Variants in ABTB3 observed in about 807,000 individuals in gnomAD.
ABTB3 encodes the protein ankyrin repeat- and BTB/POZ domain-containing protein 3.
At chr12:107,381,983 C>A in the ABTB3 span, among the ~76,000 whole-genome samples, 2 of 152,056 alleles carry the variant, frequency 1.3e-5, no homozygotes, top group African/African-American at 4.8e-5. Context: ...TTTATTGAGC[C>A]CCCTATGGTC....
At chr12:107,643,434 AAAGAT>A in the ABTB3 span, among the ~76,000 whole-genome samples, 4 of 148,442 alleles carry the variant, frequency 2.7e-5, no homozygotes, top group South Asian at 4.2e-4. Flanking sequence ...AAAGGTTTCC[AAAGAT>A]AAGATAAGCC....
the ABTB3 span, among the ~76,000 whole-genome samples, chr12:107,364,534 G>T: frequency 6.6e-6 from 1 of 151,966 alleles, no homozygotes; most frequent in Non-Finnish European, 1.5e-5. Context: ...CAGGTGATCC[G>T]CCCGCTTCAG....
chr12:107,553,333 G>A, the ABTB3 span, among the ~76,000 whole-genome samples: 1 of 152,180 alleles, frequency 6.6e-6, no homozygotes, highest in African/African-American at 2.4e-5. Flanking sequence ...CTTGAGGCAG[G>A]AGCAGATAGC....
chr12:107,576,451 C>T, the ABTB3 span, among the ~76,000 whole-genome samples: 1 of 152,174 alleles, frequency 6.6e-6, no homozygotes, highest in African/African-American at 2.4e-5. Flanking sequence ...CCCTCTTGCC[C>T]CACTGTGCAC....
chr12:107,498,573 C>T, the ABTB3 span, among the ~76,000 whole-genome samples: 1 of 152,292 alleles, frequency 6.6e-6, no homozygotes, highest in South Asian at 2.1e-4. Flanking sequence ...CTAGAGGCCA[C>T]CCACATTCCT....
At chr12:107,387,356 C>T in the ABTB3 span, among the ~76,000 whole-genome samples, 1 of 152,196 alleles carries the variant, frequency 6.6e-6, no homozygotes, top group Admixed American at 6.5e-5. Flanking sequence ...GTCTCTTTTG[C>T]CCCTCTTGGT....
the ABTB3 span, among the ~76,000 whole-genome samples, chr12:107,402,498 G>A: frequency 1.3e-5 from 2 of 152,158 alleles, no homozygotes; most frequent in Admixed American, 1.3e-4. Flanking sequence ...CTTGGGATAT[G>A]GTACCCCATC....
chr12:107,615,329 T>A, the ABTB3 span, among the ~76,000 whole-genome samples: 1 of 152,234 alleles, frequency 6.6e-6, no homozygotes, highest in East Asian at 1.9e-4. Flanking sequence ...TATGTAATGA[T>A]CTATATGGCC....
At chr12:107,489,184 C>T in the ABTB3 span, among the ~76,000 whole-genome samples, 1 of 152,146 alleles carries the variant, frequency 6.6e-6, no homozygotes, top group African/African-American at 2.4e-5. Flanking sequence ...TGGACACAAC[C>T]TTTAGAAAAC....
the ABTB3 span, among the ~76,000 whole-genome samples, chr12:107,586,125 G>A: frequency 3.9e-5 from 6 of 152,258 alleles, no homozygotes; most frequent in South Asian, 8.3e-4. Context: ...TCAGGTGTTC[G>A]GAGAGCTCCT....
the ABTB3 span, among the ~76,000 whole-genome samples, chr12:107,410,160 C>T: frequency 6.7e-6 from 1 of 149,522 alleles, no homozygotes; most frequent in Non-Finnish European, 1.5e-5. Flanking sequence ...GAGAGCCACT[C>T]AGGGCACCTC....
the ABTB3 span, chr12:107,319,941 A>G: frequency 6.4e-7 from 1 of 1,552,726 alleles, no homozygotes; most frequent in Non-Finnish European, 8.7e-7. Flanking sequence ...AACCACCACC[A>G]TCACCACCAC....
At chr12:107,509,061 G>A in the ABTB3 span, among the ~76,000 whole-genome samples, 1 of 152,156 alleles carries the variant, frequency 6.6e-6, no homozygotes, top group Non-Finnish European at 1.5e-5. Context: ...GACTGAAGCA[G>A]GTGTTCACAA....
chr12:107,511,827 G>A, the ABTB3 span, among the ~76,000 whole-genome samples: 2 of 152,154 alleles, frequency 1.3e-5, no homozygotes, highest in Non-Finnish European at 2.9e-5. Flanking sequence ...AGACTGGAAA[G>A]CATAACACTG....
chr12:107,546,399 C>T, the ABTB3 span, among the ~76,000 whole-genome samples: 1 of 152,196 alleles, frequency 6.6e-6, no homozygotes, highest in Non-Finnish European at 1.5e-5. Flanking sequence ...GGCCTGGTCA[C>T]CCCAGTCAGA....
At chr12:107,358,988 G>A in the ABTB3 span, among the ~76,000 whole-genome samples, 4 of 152,336 alleles carry the variant, frequency 2.6e-5, no homozygotes, top group East Asian at 3.9e-4. Flanking sequence ...GACTACCCCC[G>A]AAGAGTCTGC....
At chr12:107,594,173 A>C in the ABTB3 span, among the ~76,000 whole-genome samples, 333 of 152,340 alleles carry the variant, frequency 2.2e-3, no homozygotes, top group Non-Finnish European at 3.5e-3. Flanking sequence ...ATGCTGAAGC[A>C]AGATAATGCT....
chr12:107,608,757 G>C, the ABTB3 span, among the ~76,000 whole-genome samples: 4 of 151,926 alleles, frequency 2.6e-5, no homozygotes, highest in Middle Eastern at 3.4e-3. Flanking sequence ...CGTAGTCTCA[G>C]CTACTGGGGT....
chr12:107,581,100 T>C, the ABTB3 span: 1 of 1,541,168 alleles, frequency 6.5e-7, no homozygotes, highest in Middle Eastern at 2.0e-4. Context: ...CGGCAGCCCC[T>C]GCCTCCGGGG....
Sources: gnomAD v4.1 joint callset for allele counts (sites outside exome capture counted in the v4.1 genomes callset) on GRCh38, gnomAD v4.1.1 for gene constraint, MANE v1.5 for transcripts, NCBI Gene and HGNC (gene_info 2026-07-23, HGNC 2026-07-21) for gene names.